Variants in SYNPO2 observed in about 807,000 individuals in gnomAD.
SYNPO2 encodes the protein synaptopodin-2.
SYNPO2 carries 56 observed loss-of-function variants against 85.0 expected under a neutral mutation model. That is an observed-to-expected ratio of 0.66 (90% CI 0.53 to 0.82). The LOEUF (loss-of-function observed/expected upper bound fraction) is 0.82. Ranked by LOEUF, SYNPO2 falls within the 40% of genes least tolerant of loss-of-function variation. The pLI is 0.00. For synonymous variants in SYNPO2, 602 were observed against 591.1 expected (o/e 1.02, Z -0.27); for missense variants, 1,575 against 1,534.2 (o/e 1.03, Z -0.44).
intron 2 of SYNPO2, among the ~76,000 whole-genome samples, chr4:119,024,468 T>C (rs1363054354): frequency 1.3e-5 from 2 of 152,098 alleles, no homozygotes; most frequent in Non-Finnish European, 2.9e-5. Context: ...CAGTTACCCC[T>C]CTGCTAATCA....
At chr4:118,903,254 C>A (rs905013464) in intron 1 of SYNPO2, among the ~76,000 whole-genome samples, 1 of 152,130 alleles carries the variant, frequency 6.6e-6, no homozygotes. Context: ...TGGAAATTCA[C>A]TTAATCAGGC....
intron 1 of SYNPO2, among the ~76,000 whole-genome samples, chr4:118,858,941 AC>A (rs976679023): frequency 9.9e-5 from 15 of 152,198 alleles, no homozygotes; most frequent in Non-Finnish European, 1.8e-4. Flanking sequence ...CATCATAACC[AC>A]CCACATCCCA....
intron 1 of SYNPO2, among the ~76,000 whole-genome samples, chr4:118,949,728 G>A (rs1287381533): frequency 2.6e-5 from 4 of 151,786 alleles, no homozygotes; most frequent in Admixed American, 1.3e-4. Flanking sequence ...CAGCCTGGGC[G>A]ACAGAGCAAG....
intron 1 of SYNPO2, among the ~76,000 whole-genome samples, chr4:118,900,158 A>C (rs915910537): frequency 3.3e-5 from 5 of 152,226 alleles, no homozygotes; most frequent in African/African-American, 1.2e-4. Context: ...AATAAATTTA[A>C]ATAATTTCCA....
chr4:118,851,172 A>G (rs1239591076), intron 1 of SYNPO2, among the ~76,000 whole-genome samples: 1 of 152,154 alleles, frequency 6.6e-6, no homozygotes, highest in Non-Finnish European at 1.5e-5. Flanking sequence ...TCTTCCTCAC[A>G]TTGTCCTAGT....
chr4:118,965,497 A>G (rs1055867768), intron 1 of SYNPO2, among the ~76,000 whole-genome samples: 11 of 152,080 alleles, frequency 7.2e-5, no homozygotes, highest in Admixed American at 5.2e-4. Flanking sequence ...ATTCAAATCC[A>G]GGCCCACTTT....
intron 1 of SYNPO2, among the ~76,000 whole-genome samples, chr4:118,924,073 T>C (rs1733633017): frequency 6.6e-6 from 1 of 152,158 alleles, no homozygotes; most frequent in South Asian, 2.1e-4. Flanking sequence ...GATTTACACA[T>C]CTGTCAGTAA....
chr4:118,943,042 G>C (rs553351103), intron 1 of SYNPO2, among the ~76,000 whole-genome samples: 1 of 152,118 alleles, frequency 6.6e-6, no homozygotes, highest in Admixed American at 6.5e-5. Flanking sequence ...GGGAGGCAGA[G>C]GTTGCAGTGA....
intron 1 of SYNPO2, among the ~76,000 whole-genome samples, chr4:119,001,095 G>C (rs1380164): frequency 0.029 from 4,483 of 152,192 alleles, 209 homozygotes; most frequent in African/African-American, 0.1. Context: ...CCCACTGTTC[G>C]TTTTCTCCTT....
intron 1 of SYNPO2, among the ~76,000 whole-genome samples, chr4:118,877,526 C>T (rs1731947974): frequency 6.6e-6 from 1 of 152,142 alleles, no homozygotes; most frequent in Non-Finnish European, 1.5e-5. Context: ...AACTGAACCC[C>T]ATTAAAAAGT....
Position 119,030,772 on chromosome 4 carries a change from G to A in SYNPO2, c.1997G>A (p.Arg666Gln), listed in dbSNP as rs747800714. Reference sequence around the variant, plus strand: ...CCAGCCTTTTACGATTCGTCTGAGCGAATAGCTTCCCGAGATGAGAGGATC... The same window carrying A: ...CCAGCCTTTTACGATTCGTCTGAGCAAATAGCTTCCCGAGATGAGAGGATC... ...SQPAFYDSSE[R>Q]IASRDERISV... Residue 666 changes from arginine (R) to glutamine (Q), a missense_variant, in exon 4 of 5, where the codon CGA becomes CAA. Physicochemically the swap from Arg to Gln is conservative, Grantham distance 43. Coordinates refer to ENST00000307142, the MANE Select transcript of SYNPO2 (RefSeq NM_133477.3). 6.2e-6 allele frequency: 10 copies of A among 1,614,102 alleles called. No homozygotes were observed. The highest frequency in any genetic ancestry group is 1.3e-5 in the African/African-American group (1 of 74,998).
chr4:118,905,748 C>T (rs898330457), intron 1 of SYNPO2, among the ~76,000 whole-genome samples: 1 of 152,160 alleles, frequency 6.6e-6, no homozygotes, highest in Non-Finnish European at 1.5e-5. Flanking sequence ...AGGCTGCTCT[C>T]ATGTTCTCCT....
chr4:118,943,632 A>G (rs1734398112), intron 1 of SYNPO2, among the ~76,000 whole-genome samples: 1 of 152,234 alleles, frequency 6.6e-6, no homozygotes, highest in Non-Finnish European at 1.5e-5. Context: ...CATCAGTGGT[A>G]GTAAACATTG....
At chr4:118,916,319 C>T (rs186565302) in intron 1 of SYNPO2, among the ~76,000 whole-genome samples, 3 of 151,664 alleles carry the variant, frequency 2.0e-5, no homozygotes, top group Non-Finnish European at 2.9e-5. Context: ...AATAAAGGCA[C>T]GCACCACCAC....
intron 1 of SYNPO2, among the ~76,000 whole-genome samples, chr4:118,882,376 C>A (rs1732120559): frequency 6.6e-6 from 1 of 152,062 alleles, no homozygotes. Context: ...TAAAAATTAT[C>A]TTTACTCTTT....
chr4:118,887,166 A>AGAGTGTGTGT (rs57115153), upstream of SYNPO2, among the ~76,000 whole-genome samples: 603 of 139,142 alleles, frequency 4.3e-3, 13 homozygotes, highest in East Asian at 0.057. Flanking sequence ...CATCTGAGTG[A>AGAGTGTGTGT]GTGTGTGTGT....
chr4:118,985,789 C>T (rs1736195761), intron 1 of SYNPO2, among the ~76,000 whole-genome samples: 1 of 152,216 alleles, frequency 6.6e-6, no homozygotes, highest in African/African-American at 2.4e-5. Context: ...GGATCTAATT[C>T]TGTACCATGT....
intron 1 of SYNPO2, among the ~76,000 whole-genome samples, chr4:118,976,075 G>C (rs1735717460): frequency 6.6e-6 from 1 of 152,210 alleles, no homozygotes; most frequent in South Asian, 2.1e-4. Context: ...TAGTGACTTT[G>C]TGTCCAGAAT....
chr4:118,939,413 G>A (rs944645305), intron 1 of SYNPO2, among the ~76,000 whole-genome samples: 2 of 152,208 alleles, frequency 1.3e-5, no homozygotes, highest in Admixed American at 1.3e-4. Flanking sequence ...GGCGTTGGTG[G>A]CATCTTCCTA....
Sources: allele counts gnomAD v4.1 joint callset (sites outside exome capture counted in the v4.1 genomes callset), GRCh38; gene constraint gnomAD v4.1.1; transcripts MANE v1.5; gene names NCBI Gene and HGNC (gene_info 2026-07-23, HGNC 2026-07-21).